The following CFAP47 variants were observed in gnomAD, a reference collection of about 807,000 sequenced individuals.
CFAP47 encodes cilia and flagella associated protein 47, also known as cilia- and flagella-associated protein 47.
CFAP47 carries 29 observed loss-of-function variants against 148.1 expected under a neutral mutation model. The observed-to-expected ratio is 0.20, with a 90% CI of 0.15 to 0.27. The LOEUF (loss-of-function observed/expected upper bound fraction) is 0.27. CFAP47 is among the 10% of genes least tolerant of loss of function. The probability of loss-of-function intolerance (pLI) is 1.00; values close to 1 mark genes in which losing one functional copy is unlikely to be tolerated. For synonymous variants in CFAP47, 664 were observed against 577.3 expected, an observed-to-expected ratio of 1.15 and a Z score of -2.15; for missense variants, 1,872 against 1,697.5, an observed-to-expected ratio of 1.10 and a Z score of -1.81.
intron 56 of CFAP47, among the ~76,000 whole-genome samples, chrX:36,318,566 G>A (rs1941454816): frequency 8.9e-6 from 1 of 111,732 alleles, no homozygotes; most frequent in African/African-American, 3.3e-5. Flanking sequence ...TAAATGCTAT[G>A]TAAATAGTTG....
At chrX:36,203,451 T>G (rs943562216) in intron 44 of CFAP47, among the ~76,000 whole-genome samples, 7 of 111,999 alleles carry the variant, frequency 6.3e-5, no homozygotes, top group African/African-American at 2.3e-4. Context: ...CTTTTCATTG[T>G]GTATGCATAT....
chrX:36,219,009 C>A (rs1277076311), intron 45 of CFAP47, among the ~76,000 whole-genome samples: 1 of 110,989 alleles, frequency 9.0e-6, no homozygotes, highest in Non-Finnish European at 1.9e-5. Flanking sequence ...ATGAAGCCTC[C>A]GGATAGCAAG....
At position 36,371,712 on chromosome X, in the gene CFAP47, G is replaced by A. The variant is rs782097839; in HGVS notation, c.9185+4585G>A. Among the ~76,000 whole-genome samples the A allele has an allele frequency of 4.4e-4, 25 of 57,073 alleles. 1 individual carries two copies. The highest frequency in any genetic ancestry group is 7.0e-4 in the Non-Finnish European group (23 of 32,757). 49.6% of individuals were successfully genotyped at this position (57,073 alleles called of 115,157 possible). On this transcript the variant is annotated intron_variant, in intron 62 of 63. Transcript: ENST00000378653. ...TGTATATACACACATGTGTATATAT[G>A]TGTGTATATACACACATGTGTGTAT... is the stretch of plus-strand genomic sequence containing the variant.
intron 40 of CFAP47, among the ~76,000 whole-genome samples, chrX:36,184,294 A>G (rs1939782324): frequency 9.0e-6 from 1 of 111,729 alleles, no homozygotes; most frequent in Non-Finnish European, 1.9e-5. Context: ...GCCAGAATCT[A>G]GAGAAGGAGG....
At chrX:36,012,367 G>A (rs1305114544) in intron 21 of CFAP47, among the ~76,000 whole-genome samples, 2 of 111,687 alleles carry the variant, frequency 1.8e-5, no homozygotes, top group Admixed American at 9.5e-5. Context: ...ACATGCACAC[G>A]TATGTTTATT....
chrX:36,329,721 GT>G (rs1447938162), intron 57 of CFAP47, among the ~76,000 whole-genome samples: 1 of 111,170 alleles, frequency 9.0e-6, no homozygotes, highest in Non-Finnish European at 1.9e-5. Context: ...AAGATCAAGG[GT>G]TTTATTTTTA....
intron 56 of CFAP47, among the ~76,000 whole-genome samples, chrX:36,313,094 C>T (rs1941406440): frequency 1.8e-5 from 2 of 110,641 alleles, no homozygotes; most frequent in South Asian, 7.6e-4. Flanking sequence ...AAAACATGGT[C>T]TACAGAAAAA....
intron 33 of CFAP47, among the ~76,000 whole-genome samples, chrX:36,121,331 A>T (rs1231909242): frequency 9.0e-6 from 1 of 110,747 alleles, no homozygotes; most frequent in Non-Finnish European, 1.9e-5. Flanking sequence ...CACTGTATGT[A>T]TTGATTGGAG....
Position 36,138,367 on chromosome X carries a change from A to C in CFAP47, c.5438A>C (p.Asn1813Thr), listed in dbSNP as rs200538478. Residue 1813 changes from asparagine (N) to threonine (T), a missense_variant, in exon 35 of 64, where the codon AAT (asparagine) becomes ACT (threonine). Asn to Thr is a moderately conservative substitution (Grantham distance 65). Transcript: ENST00000378653. ...CPFLIESHFI[N>T]MYTRPKSPEE... ...TTACAGATTGAGTCTCATTTTATAA[A>C]TATGTACACACGACCAAAAAGTCCT... 1 of 1,140,537 alleles carries C rather than the reference A, an allele frequency of 8.8e-7. No homozygotes were observed. The highest frequency in any genetic ancestry group is 1.2e-6 in the Non-Finnish European group (1 of 865,436). The allele number at this position is 1,140,537 out of a possible 1,213,427, so 94.0% of individuals were successfully genotyped here.
chrX:36,289,908 T>C (rs967678959), intron 51 of CFAP47, among the ~76,000 whole-genome samples: 1 of 110,712 alleles, frequency 9.0e-6, no homozygotes, highest in Admixed American at 9.6e-5. Context: ...AAGTGCCTAA[T>C]TAAAGGGAAA....
intron 49 of CFAP47, among the ~76,000 whole-genome samples, 162 bp downstream of exon 49, chrX:36,251,606 G>A (rs2146923352): frequency 9.0e-6 from 1 of 111,236 alleles, no homozygotes; most frequent in South Asian, 3.7e-4. Context: ...AGTAATCAGG[G>A]CTTTGATGCA....
intron 49 of CFAP47, among the ~76,000 whole-genome samples, chrX:36,261,320 CTTTTTTTTT>C (rs143068749): frequency 3.9e-4 from 8 of 20,450 alleles, no homozygotes; most frequent in African/African-American, 1.3e-3. Flanking sequence ...AGATACTATT[CTTTTTTTTT>C]TTTTTTTTTT....
chrX:36,342,387 C>T (rs1556015888), intron 57 of CFAP47, among the ~76,000 whole-genome samples: 1 of 111,773 alleles, frequency 8.9e-6, no homozygotes, highest in African/African-American at 3.2e-5. Flanking sequence ...CCAGTCTGCT[C>T]CCTGGAGCTA....
chrX:36,077,183 C>CTTTTT lies in CFAP47; in HGVS notation c.4691+3855_4691+3859dup, dbSNP rs776287161. On this transcript the variant is annotated intron_variant, in intron 29 of 63. Coordinates refer to ENST00000378653, the MANE Select transcript of CFAP47 (RefSeq NM_001304548.2). ...AAGTCAGGTAATACAGCGCCTCCAGCTTTTTTTTTTTTTTTTTTTTTTTTT... is the reference window on the plus strand; with the variant it reads ...AAGTCAGGTAATACAGCGCCTCCAGCTTTTTTTTTTTTTTTTTTTTTTTTTTTTTT... Among the ~76,000 whole-genome samples, 12 of 20,995 alleles carry CTTTTT rather than the reference C, an allele frequency of 5.7e-4. 2 individuals carry two copies. The highest frequency in any genetic ancestry group is 9.3e-4 in the Admixed American group (1 of 1,081). The allele number at this position is 20,995 out of a possible 115,157, so 18.2% of individuals were successfully genotyped here.
chrX:36,374,807 C>T, intron 62 of CFAP47: 1 of 1,008,124 alleles, frequency 9.9e-7, no homozygotes, highest in Non-Finnish European at 1.4e-6. Flanking sequence ...AAAAAGAATC[C>T]CAGGATTTTC....
At chrX:36,252,937 A>G (rs868941318) in intron 49 of CFAP47, among the ~76,000 whole-genome samples, 3 of 112,300 alleles carry the variant, frequency 2.7e-5, no homozygotes, top group Middle Eastern at 4.7e-3. Flanking sequence ...TGGAATGTTT[A>G]TAACTACCAC....
intron 49 of CFAP47, among the ~76,000 whole-genome samples, chrX:36,272,330 A>G (rs1424237178): frequency 1.8e-5 from 2 of 109,512 alleles, no homozygotes; most frequent in Non-Finnish European, 3.8e-5. Context: ...GTTTTTTAGG[A>G]TGCTCAGGGC....
At chrX:35,927,927 C>T (rs1435307632) in intron 2 of CFAP47, among the ~76,000 whole-genome samples, 3 of 108,656 alleles carry the variant, frequency 2.8e-5, no homozygotes, top group African/African-American at 1.0e-4. Flanking sequence ...CAAAATCTTG[C>T]AAGAGATTCA....
At chrX:36,370,072 G>A (rs1221656000) in intron 62 of CFAP47, among the ~76,000 whole-genome samples, 2 of 111,348 alleles carry the variant, frequency 1.8e-5, no homozygotes, top group East Asian at 5.7e-4. Context: ...TACAGAAGAA[G>A]GTGAATTTAC....
Sources: allele counts gnomAD v4.1 joint callset (sites outside exome capture counted in the v4.1 genomes callset), GRCh38; gene constraint gnomAD v4.1.1; transcripts MANE v1.5; gene names NCBI Gene and HGNC (gene_info 2026-07-23, HGNC 2026-07-21).